CLYBL: variants seen among roughly 807,000 people sequenced by gnomAD.
CLYBL encodes citramalyl-CoA lyase, mitochondrial.
Under a neutral mutation model 38.9 loss-of-function variants are expected in CLYBL, and 31 were observed. The observed-to-expected ratio is 0.80, with a 90% confidence interval of 0.60 to 1.08. The LOEUF (loss-of-function observed/expected upper bound fraction) is 1.08. Among genes scored for constraint, CLYBL ranks in the 50% least tolerant of loss-of-function variants. The pLI is 0.00. For missense variants in CLYBL, 434 were observed against 411.6 expected, an observed-to-expected ratio of 1.05 and a Z score of -0.47; for synonymous variants, 171 against 158.6, an observed-to-expected ratio of 1.08 and a Z score of -0.59.
intron 1 of CLYBL, among the ~76,000 whole-genome samples, chr13:99,683,446 TTG>T (rs2047768233): frequency 6.6e-6 from 1 of 152,210 alleles, no homozygotes; most frequent in African/African-American, 2.4e-5. Flanking sequence ...AAAACACACA[TTG>T]TACAAAAATA....
chr13:99,709,836 A>G (rs2048199815), intron 1 of CLYBL, among the ~76,000 whole-genome samples: 2 of 151,748 alleles, frequency 1.3e-5, no homozygotes, highest in Non-Finnish European at 2.9e-5. Context: ...GGAGTGAAGC[A>G]GTAGGAAAGA....
intron 1 of CLYBL, among the ~76,000 whole-genome samples, chr13:99,678,427 G>T (rs74112530): frequency 0.019 from 2,967 of 152,280 alleles, 75 homozygotes; most frequent in African/African-American, 0.067. Context: ...TTGATTCCAA[G>T]CTCTGCTGAA....
chr13:99,834,358 C>T (rs1321400003), intron 2 of CLYBL, among the ~76,000 whole-genome samples: 1 of 152,144 alleles, frequency 6.6e-6, no homozygotes, highest in East Asian at 1.9e-4. Flanking sequence ...GGTCCTGTCC[C>T]ATAATAGATT....
intron 2 of CLYBL, among the ~76,000 whole-genome samples, chr13:99,781,669 G>A (rs1174621589): frequency 6.6e-6 from 1 of 151,868 alleles, no homozygotes; most frequent in Non-Finnish European, 1.5e-5. Flanking sequence ...TAGAGATGGG[G>A]GTTTCATCAT....
At chr13:99,656,799 T>C (rs934957695) in intron 1 of CLYBL, among the ~76,000 whole-genome samples, 5 of 152,234 alleles carry the variant, frequency 3.3e-5, no homozygotes, top group African/African-American at 1.2e-4. Context: ...ATCAAATCAT[T>C]TTCTGTTGTT....
At chr13:99,757,304 G>GCTAGC (rs2049081750) in intron 1 of CLYBL, among the ~76,000 whole-genome samples, 1 of 151,986 alleles carries the variant, frequency 6.6e-6, no homozygotes, top group African/African-American at 2.4e-5. Context: ...GCATCTACTT[G>GCTAGC]TACATAATGG....
In CLYBL at chr13:99,797,562, G is replaced by GTGTGTGTGTGTGTGTGTGTGTGTT. The variant is rs2050047985; in HGVS notation, c.249+24575_249+24576insTTGTGTGTGTGTGTGTGTGTGTGT. ...TCTGTGTCTGCCATGTTAGCTGTTT[G>GTGTGTGTGTGTGTGTGTGTGTGTT]TGTGTGTGTGTGTGTGTGTGTGTGT... On this transcript the variant is annotated intron_variant, in intron 2 of 8. Transcript: ENST00000339105. 2.7e-5 allele frequency among the ~76,000 whole-genome samples: 4 copies of GTGTGTGTGTGTGTGTGTGTGTGTT among 149,726 alleles called. No homozygotes were observed. The South Asian group carries it at 8.6e-4, about 32-fold the overall frequency.
intron 1 of CLYBL, among the ~76,000 whole-genome samples, chr13:99,697,512 C>T (rs539263243): frequency 1.3e-5 from 2 of 152,100 alleles, no homozygotes; most frequent in South Asian, 2.1e-4. Context: ...GGATTACAGG[C>T]ACGTGCCACC....
At chr13:99,730,412 G>A (rs1413508395) in intron 1 of CLYBL, among the ~76,000 whole-genome samples, 2 of 152,172 alleles carry the variant, frequency 1.3e-5, no homozygotes, top group Non-Finnish European at 2.9e-5. Context: ...AGCGAGTCAC[G>A]GGGAGAGCAG....
chr13:99,874,699 T>A (rs1462678054), intron 7 of CLYBL, among the ~76,000 whole-genome samples: 1 of 152,250 alleles, frequency 6.6e-6, no homozygotes, highest in African/African-American at 2.4e-5. Context: ...GTATGTATGA[T>A]AACGTGTATT....
intron 1 of CLYBL, among the ~76,000 whole-genome samples, chr13:99,654,849 C>CA (rs1407911492): frequency 6.6e-6 from 1 of 151,860 alleles, no homozygotes; most frequent in African/African-American, 2.4e-5. Flanking sequence ...ACTAAAAATA[C>CA]AAAAAATTAG....
chr13:99,671,792 A>AAT (rs1555350677), intron 1 of CLYBL, among the ~76,000 whole-genome samples: 16,495 of 139,108 alleles, frequency 0.12, 1,026 homozygotes, highest in East Asian at 0.17. Context: ...AAAAAAAAAA[A>AAT]AAATAATAAA....
At chr13:99,682,602 G>A (rs1383044743) in intron 1 of CLYBL, among the ~76,000 whole-genome samples, 1 of 152,070 alleles carries the variant, frequency 6.6e-6, no homozygotes, top group Non-Finnish European at 1.5e-5. Context: ...AGTGAGCAGT[G>A]AGTGAATATG....
intron 1 of CLYBL, among the ~76,000 whole-genome samples, chr13:99,758,146 C>T (rs933731744): frequency 1.3e-5 from 2 of 152,146 alleles, no homozygotes; most frequent in African/African-American, 4.8e-5. Flanking sequence ...GAGTAGGGTC[C>T]AGAATTTGAC....
intron 2 of CLYBL, among the ~76,000 whole-genome samples, chr13:99,773,696 A>AT (rs1295462572): frequency 4.6e-5 from 7 of 152,158 alleles, no homozygotes; most frequent in African/African-American, 1.7e-4. Context: ...GTGGTGTAAG[A>AT]TTTTCAGACT....
chr13:99,691,399 G>C (rs913326642), intron 1 of CLYBL, among the ~76,000 whole-genome samples: 3 of 151,976 alleles, frequency 2.0e-5, no homozygotes, highest in Non-Finnish European at 4.4e-5. Context: ...ATTTGGGGGG[G>C]AAGGGGACAG....
chr13:99,840,667 T>C (rs2051049759), intron 2 of CLYBL, among the ~76,000 whole-genome samples: 1 of 140,872 alleles, frequency 7.1e-6, no homozygotes, highest in African/African-American at 2.7e-5. Flanking sequence ...GAAGGATCAC[T>C]TGAGCCCAGG....
At chr13:99,706,242 A>G (rs2048145523) in intron 1 of CLYBL, among the ~76,000 whole-genome samples, 1 of 152,116 alleles carries the variant, frequency 6.6e-6, no homozygotes, top group Non-Finnish European at 1.5e-5. Context: ...TTTTGCCCCA[A>G]TTTTTAAAAG....
chr13:99,664,361 T>C (rs2047450292), intron 1 of CLYBL, among the ~76,000 whole-genome samples: 1 of 152,252 alleles, frequency 6.6e-6, no homozygotes, highest in Non-Finnish European at 1.5e-5. Flanking sequence ...CTGAAGCAAA[T>C]ACTTTCAAGC....
Sources: allele counts gnomAD v4.1 joint callset (sites outside exome capture counted in the v4.1 genomes callset), GRCh38; gene constraint gnomAD v4.1.1; transcripts MANE v1.5; gene names NCBI Gene and HGNC (gene_info 2026-07-23, HGNC 2026-07-21).